Variants in VPS53 observed in about 807,000 individuals in gnomAD.
VPS53 encodes the protein VPS53 subunit of GARP complex.
A neutral mutation model predicts 107.0 loss-of-function variants in VPS53; 70 were observed. The observed-to-expected ratio is 0.65, with a 90% CI of 0.54 to 0.80. The LOEUF is 0.80. VPS53 is among the 30% of genes least tolerant of loss of function. VPS53 has a pLI of 0.00. For synonymous variants in VPS53, 409 were observed against 393.3 expected, an observed-to-expected ratio of 1.04 and a Z score of -0.47; for missense variants, 917 against 1,049.4, an observed-to-expected ratio of 0.87 and a Z score of 1.74.
intron 17 of VPS53, among the ~76,000 whole-genome samples, chr17:549,316 T>C (rs1014524299): frequency 7.2e-5 from 11 of 152,222 alleles, no homozygotes; most frequent in African/African-American, 2.2e-4. Context: ...TTTATTTCCA[T>C]CACATGGATT....
rs1392847699 is a variant in VPS53, at chr17:551,935, A to G, written c.1803T>C (p.Ser601=). 3 of 1,599,574 alleles carry G rather than the reference A, an allele frequency of 1.9e-6. No homozygotes were observed. The highest frequency in any genetic ancestry group is 2.6e-6 in the Non-Finnish European group (3 of 1,172,474). The part of the protein sequence containing the change: ...MDTFSTVISS[S]IQLLVQDLDA... ...CCAGATCCTGAACCAGCAGCTGAAT[A>G]CTGCTGGAGATGACGCTGCAAATCA... The change falls in exon 17 of 22, where the codon AGT becomes AGC. Residue 601 remains serine (S), a synonymous_variant. Transcript: ENST00000437048.
chr17:546,329 T>TCTCACACACA (rs1555549994), intron 17 of VPS53, among the ~76,000 whole-genome samples: 55 of 131,978 alleles, frequency 4.2e-4, no homozygotes, highest in Middle Eastern at 7.4e-3. Context: ...CTTAGATATC[T>TCTCACACACA]CACACACACA....
chr17:578,043 C>G (rs1452195571), intron 13 of VPS53, among the ~76,000 whole-genome samples: 1 of 151,758 alleles, frequency 6.6e-6, no homozygotes, highest in African/African-American at 2.4e-5. Context: ...GACCTCAATG[C>G]GTTTTCAGAG....
intron 8 of VPS53, among the ~76,000 whole-genome samples, chr17:629,510 C>T (rs1219079999): frequency 3.3e-5 from 5 of 152,126 alleles, no homozygotes; most frequent in Non-Finnish European, 7.3e-5. Flanking sequence ...GTAATCCCAG[C>T]ACTTTGGGAG....
chr17:598,205 C>T (rs1163444643), intron 12 of VPS53, among the ~76,000 whole-genome samples: 13 of 152,228 alleles, frequency 8.5e-5, no homozygotes, highest in African/African-American at 1.9e-4. Flanking sequence ...GCAAGTGATC[C>T]GCCAGCCTCG....
At chr17:614,037 G>C (rs949198829) in intron 11 of VPS53, among the ~76,000 whole-genome samples, 16 of 152,222 alleles carry the variant, frequency 1.1e-4, no homozygotes, top group African/African-American at 3.6e-4. Context: ...ACACATCGTA[G>C]CATCCGTTTA....
intron 17 of VPS53, among the ~76,000 whole-genome samples, chr17:548,163 G>A (rs563998744): frequency 1.3e-5 from 2 of 152,362 alleles, no homozygotes; most frequent in East Asian, 3.9e-4. Context: ...GTGAGCGGCA[G>A]AAACTGACCT....
In VPS53 at chr17:562,570, G is replaced by A; in HGVS notation, c.1489C>T (p.Leu497=). The change falls in exon 14 of 22, where the codon CTG becomes TTG. Residue 497 remains leucine (L), a synonymous_variant. Coordinates refer to ENST00000437048, the MANE Select transcript of VPS53 (RefSeq NM_001128159.3). ...QLSTGEPMIA[L]TTIFQKYLRE... ...AGGTACTTCTGGAAAATGGTGGTCA[G>A]GGCGATCATGGGCTCCCCAGTACTG... The A allele has an allele frequency of 6.2e-7, 1 of 1,614,024 alleles. No individual in the cohort carries two copies. The highest frequency in any genetic ancestry group is 8.5e-7 in the Non-Finnish European group (1 of 1,180,004).
In VPS53 at chr17:662,909, G is replaced by C. The variant is rs191234464; in HGVS notation, c.286-1014C>G. Among the ~76,000 whole-genome samples the C allele has an allele frequency of 1.9e-3, 286 of 151,450 alleles. 3 individuals carry two copies. Among genetic ancestry groups the C allele is most frequent in the Admixed American group, 0.017 (256 of 15,192 alleles). On this transcript the variant is annotated intron_variant, in intron 4 of 21. Transcript: ENST00000437048. ...AGGAAGGAAGGCAGGCAGGCAGGCA[G>C]GCAGGCAGGCAGGCAGAAAGCTAAT... is the stretch of plus-strand genomic sequence containing the variant.
intron 4 of VPS53, among the ~76,000 whole-genome samples, chr17:665,742 C>T (rs1971652638): frequency 1.3e-5 from 2 of 152,320 alleles, no homozygotes; most frequent in South Asian, 2.1e-4. Flanking sequence ...TGGTGGCTCA[C>T]GCCTGTCATC....
At chr17:564,829 G>A (rs1157423257) in intron 13 of VPS53, among the ~76,000 whole-genome samples, 1 of 152,202 alleles carries the variant, frequency 6.6e-6, no homozygotes, top group Non-Finnish European at 1.5e-5. Flanking sequence ...AAACATCCCT[G>A]TAATTGTTCC....
intron 4 of VPS53, among the ~76,000 whole-genome samples, chr17:672,009 C>T (rs1036387639): frequency 1.3e-5 from 2 of 151,806 alleles, no homozygotes; most frequent in African/African-American, 2.4e-5. Context: ...GTTTGTCTTT[C>T]GCGGGTGGTA....
At position 514,177 on chromosome 17, in the gene VPS53, G is replaced by A. The variant is rs1908128901; in HGVS notation, c.*4951C>T. 1.3e-5 allele frequency: 1 copy of A among 74,952 alleles called. No homozygotes were observed. Among genetic ancestry groups the A allele is most frequent in the Non-Finnish European group, 2.1e-5 (1 of 47,092 alleles). 4.6% of individuals were successfully genotyped at this position (74,952 alleles called of 1,614,324 possible). ...ATTCCGAGTGCTCTTCCTAGCGAAG[G>A]AATCCCATTTCCAGCAGGTTATTCC... On this transcript the variant is annotated 3_prime_UTR_variant, in exon 22 of 22. Transcript: ENST00000437048.
intron 4 of VPS53, among the ~76,000 whole-genome samples, chr17:671,144 T>A (rs1597467082): frequency 6.6e-6 from 1 of 151,916 alleles, no homozygotes; most frequent in African/African-American, 2.4e-5. Flanking sequence ...GGCAGGAGAA[T>A]CGCCTGCACC....
chr17:705,673 G>A (rs1034395503), intron 2 of VPS53: 10 of 152,208 alleles, frequency 6.6e-5, no homozygotes, highest in African/African-American at 2.4e-4. Flanking sequence ...CAGGGAGTGG[G>A]AGGTTGCAGT....
intron 11 of VPS53, among the ~76,000 whole-genome samples, chr17:603,064 T>C (rs1013607498): frequency 1.3e-5 from 2 of 152,212 alleles, no homozygotes; most frequent in African/African-American, 2.4e-5. Flanking sequence ...AGATGGACTA[T>C]AGCGTGAATA....
chr17:596,929 C>G (rs1331122076), intron 12 of VPS53, among the ~76,000 whole-genome samples: 2 of 152,216 alleles, frequency 1.3e-5, no homozygotes, highest in Non-Finnish European at 2.9e-5. Flanking sequence ...GTGAGGAGGT[C>G]TGCAGCTGGT....
At chr17:707,274 C>G (rs1015222824) in intron 2 of VPS53, among the ~76,000 whole-genome samples, 2 of 152,218 alleles carry the variant, frequency 1.3e-5, no homozygotes, top group Non-Finnish European at 2.9e-5. Context: ...GTCATCCCAG[C>G]ACTTTGGGAG....
chr17:668,892 C>T (rs1449312663), intron 4 of VPS53, among the ~76,000 whole-genome samples: 4 of 152,146 alleles, frequency 2.6e-5, no homozygotes, highest in East Asian at 1.9e-4. Flanking sequence ...GAAGGTATCG[C>T]TTTTTTCTTC....
Sources: allele counts gnomAD v4.1 joint callset (sites outside exome capture counted in the v4.1 genomes callset), GRCh38; gene constraint gnomAD v4.1.1; transcripts MANE v1.5; gene names NCBI Gene and HGNC (gene_info 2026-07-23, HGNC 2026-07-21).